Variants in SEC24D observed in about 807,000 individuals in gnomAD.
SEC24D encodes the protein SEC24 homolog D, COPII component, also known as protein transport protein Sec24D.
In SEC24D, 69 loss-of-function variants were observed where a neutral mutation model predicts 116.9. That is an observed-to-expected ratio of 0.59 (90% CI 0.49 to 0.72). The LOEUF (loss-of-function observed/expected upper bound fraction) is 0.72. SEC24D is among the 30% of genes least tolerant of loss of function. SEC24D has a pLI of 0.00. For synonymous variants in SEC24D, 405 were observed against 442.8 expected (o/e 0.91, Z 1.07); for missense variants, 1,131 against 1,264.1 (o/e 0.89, Z 1.60).
chr4:118,824,786 A>G (rs755786234), intron 2 of SEC24D, 37 bp from the exon 3 acceptor site: 1 of 1,525,372 alleles, frequency 6.6e-7, no homozygotes, highest in Admixed American at 2.3e-5. Context: ...AGTGTATTAA[A>G]GTACAAAGAG....
At chr4:118,762,603 T>C (rs1249939248) in intron 10 of SEC24D, among the ~76,000 whole-genome samples, 2 of 152,160 alleles carry the variant, frequency 1.3e-5, no homozygotes, top group African/African-American at 4.8e-5. Context: ...GTGTAAAAAA[T>C]ACATGTACAA....
At chr4:118,741,194 A>G (rs1404975035) in intron 15 of SEC24D, among the ~76,000 whole-genome samples, 157 bp from the exon 16 acceptor site, 2 of 152,220 alleles carry the variant, frequency 1.3e-5, no homozygotes, top group African/African-American at 4.8e-5. Context: ...AAGAAAATAT[A>G]GCATTTTTGG....
rs1726451211 is a variant in SEC24D, at chr4:118,745,209, G to A, written c.1708-149C>T. 5 of 567,738 alleles carry A rather than the reference G, an allele frequency of 8.8e-6. No individual in the cohort carries two copies. In the Admixed American group the frequency reaches 1.6e-4, roughly 18 times the overall value. 35.2% of individuals were successfully genotyped at this position (567,738 alleles called of 1,614,324 possible). On this transcript the variant is annotated intron_variant, in intron 13 of 22. Transcript: ENST00000280551. ...CCTCATAATAACCTTTGTGTCCTTG[G>A]GCAGGTACTATTCTATTTTACAGAT...
At chr4:118,743,904 AAC>A in intron 15 of SEC24D, 82 bp downstream of exon 15, 1 of 1,252,366 alleles carries the variant, frequency 8.0e-7, no homozygotes. Flanking sequence ...CCCACCAGGG[AAC>A]ACAGCTTTTT....
intron 8 of SEC24D, among the ~76,000 whole-genome samples, chr4:118,780,907 C>CTTTTTTTTTTTTTTTTT (rs143712578): frequency 1.5e-4 from 9 of 61,836 alleles, no homozygotes; most frequent in South Asian, 7.3e-4. Context: ...GCAACCCCTG[C>CTTTTTTTTTTTTTTTTT]TTTTTTTTTT....
chr4:118,729,726 G>A (rs1036827008), intron 21 of SEC24D: 1 of 152,204 alleles, frequency 6.6e-6, no homozygotes, highest in Non-Finnish European at 1.5e-5. Flanking sequence ...TCAGCAAGAA[G>A]ATGCCAACAG....
intron 8 of SEC24D, among the ~76,000 whole-genome samples, chr4:118,784,243 C>T (rs1728558800): frequency 6.6e-6 from 1 of 151,946 alleles, no homozygotes; most frequent in Admixed American, 6.6e-5. Context: ...AATTCAAAAG[C>T]ATTTAGAGAA....
At chr4:118,830,603 T>TTA (rs56318939) in intron 2 of SEC24D, among the ~76,000 whole-genome samples, 6,571 of 151,810 alleles carry the variant, frequency 0.043, 195 homozygotes, top group Non-Finnish European at 0.063. Flanking sequence ...ATGTTGTACA[T>TTA]TATATATATA....
intron 15 of SEC24D, 98 bp downstream of exon 15, chr4:118,743,890 T>C (rs1442207668): frequency 9.2e-7 from 1 of 1,088,316 alleles, no homozygotes; most frequent in Non-Finnish European, 1.3e-6. Context: ...ATATGTGTCA[T>C]CTACCCACCA....
At chr4:118,807,789 T>C (rs761897663) in intron 6 of SEC24D, among the ~76,000 whole-genome samples, 19 of 152,192 alleles carry the variant, frequency 1.2e-4, no homozygotes, top group Non-Finnish European at 2.4e-4. Flanking sequence ...CCTAATTTCA[T>C]AGGATGTGAA....
intron 22 of SEC24D, among the ~76,000 whole-genome samples, chr4:118,727,251 A>G (rs1725462852): frequency 6.6e-6 from 1 of 152,236 alleles, no homozygotes; most frequent in African/African-American, 2.4e-5. Flanking sequence ...CAGATAGTAC[A>G]TAAGAAAATC....
rs772881302 is a variant in SEC24D, at chr4:118,740,819, G to A, written c.2093-11C>T. The A allele has an allele frequency of 1.2e-6, 2 of 1,611,562 alleles. No homozygotes were observed. Among genetic ancestry groups the A allele is most frequent in the Non-Finnish European group, 1.7e-6 (2 of 1,179,082 alleles). On this transcript the variant is annotated splice_polypyrimidine_tract_variant and intron_variant, in intron 16 of 22. Transcript: ENST00000280551. ...CAGTGGCTCTGAAACCTAAAGATAA[G>A]GGAAAAAGGGAAATTTTGCTTGTCT...
intron 2 of SEC24D, among the ~76,000 whole-genome samples, chr4:118,826,831 T>C (rs1274512881): frequency 6.6e-6 from 1 of 152,202 alleles, no homozygotes; most frequent in Non-Finnish European, 1.5e-5. Flanking sequence ...ATGGCAGTGA[T>C]TCAAATCATT....
intron 1 of SEC24D, among the ~76,000 whole-genome samples, chr4:118,834,700 T>G (rs754440263): frequency 1.3e-5 from 2 of 152,232 alleles, no homozygotes; most frequent in African/African-American, 4.8e-5. Context: ...AGAACCTCTC[T>G]AAGCCTCAGT....
At chr4:118,806,324 T>A (rs1560731590) in intron 6 of SEC24D, among the ~76,000 whole-genome samples, 1 of 152,082 alleles carries the variant, frequency 6.6e-6, no homozygotes, top group Non-Finnish European at 1.5e-5. Flanking sequence ...TTTCTTTCTT[T>A]TTTATTTATT....
At chr4:118,770,488 A>G (rs1019107845) in intron 8 of SEC24D, among the ~76,000 whole-genome samples, 3 of 152,166 alleles carry the variant, frequency 2.0e-5, no homozygotes, top group Non-Finnish European at 4.4e-5. Context: ...CACAACTCCA[A>G]CCTCTGAGAT....
At chr4:118,804,885 TACAC>T (rs71954957) in intron 7 of SEC24D, among the ~76,000 whole-genome samples, 47,205 of 140,702 alleles carry the variant, frequency 0.34, 8,571 homozygotes, top group Admixed American at 0.5. Flanking sequence ...TATGCATGCA[TACAC>T]ACACACACAC....
rs1451980762 is a variant in SEC24D, at chr4:118,828,664, G to A, written c.119-3915C>T. On this transcript the variant is annotated intron_variant, in intron 2 of 22. Coordinates refer to ENST00000280551, the MANE Select transcript of SEC24D (RefSeq NM_014822.4). Reference sequence around the variant, plus strand: ...ATTGGCCCCAAATGTCAATAGTGCTGAAGCTGAAAAACCCTGCTGCAGAGA... The same window carrying A: ...ATTGGCCCCAAATGTCAATAGTGCTAAAGCTGAAAAACCCTGCTGCAGAGA... 3.3e-5 allele frequency among the ~76,000 whole-genome samples: 5 copies of A among 152,060 alleles called. No homozygotes were observed. In the South Asian group the frequency reaches 6.2e-4, roughly 19 times the overall value.
At chr4:118,832,851 C>T (rs2110545804) in intron 2 of SEC24D, among the ~76,000 whole-genome samples, 1 of 152,286 alleles carries the variant, frequency 6.6e-6, no homozygotes, top group East Asian at 1.9e-4. Flanking sequence ...TCTACAGGAT[C>T]CAGTAAGGCA....
Sources: allele counts gnomAD v4.1 joint callset (sites outside exome capture counted in the v4.1 genomes callset), GRCh38; gene constraint gnomAD v4.1.1; transcripts MANE v1.5; gene names NCBI Gene and HGNC (gene_info 2026-07-23, HGNC 2026-07-21).